Variants in TGFA observed in about 807,000 individuals in gnomAD.
TGFA encodes transforming growth factor alpha, also known as protransforming growth factor alpha.
Under a neutral mutation model 21.7 loss-of-function variants are expected in TGFA, and 12 were observed. The ratio of observed to expected loss-of-function variants is 0.55; its 90% confidence interval spans 0.35 to 0.90. The LOEUF is 0.90. TGFA is among the 40% of genes least tolerant of loss of function. The probability of loss-of-function intolerance (pLI) is 0.01; values close to 1 mark genes in which losing one functional copy is unlikely to be tolerated. For synonymous variants in TGFA, 79 were observed against 88.1 expected (o/e 0.90, Z 0.58); for missense variants, 178 against 210.8 (o/e 0.84, Z 0.96).
chr2:70,496,182 T>G (rs1390286104), intron 2 of TGFA, among the ~76,000 whole-genome samples: 1 of 152,166 alleles, frequency 6.6e-6, no homozygotes, highest in Non-Finnish European at 1.5e-5. Flanking sequence ...TATCTGAAGC[T>G]TGGACACTGC....
rs59567780 is a variant in TGFA at position 70,521,613 on chromosome 2, G to GTTTTTTTTTTTTTTT, written c.41-6702_41-6701insAAAAAAAAAAAAAAA. Among the ~76,000 whole-genome samples the GTTTTTTTTTTTTTTT allele has an allele frequency of 2.4e-3, 175 of 73,982 alleles. 7 individuals are homozygous for GTTTTTTTTTTTTTTT. Among genetic ancestry groups the GTTTTTTTTTTTTTTT allele is most frequent in the African/African-American group, 3.5e-3 (84 of 23,728 alleles). 48.5% of individuals were successfully genotyped at this position (73,982 alleles called of 152,430 possible). ...TTGATAGTTTTTTTTGTTGTTGTTT[G>GTTTTTTTTTTTTTTT]TTTGTTTTTTTTTTTTTTTTTTTTT... is the stretch of plus-strand genomic sequence containing the variant. On this transcript the variant is annotated intron_variant, in intron 1 of 5. Transcript: ENST00000295400.
At chr2:70,553,533 G>A in intron 1 of TGFA, 195 bp downstream of exon 1, 2 of 1,375,152 alleles carry the variant, frequency 1.5e-6, no homozygotes, top group Non-Finnish European at 9.3e-7. Context: ...GGAAGCCTCG[G>A]CGCTCGACCG....
rs1246678548 is a variant in TGFA, at chr2:70,449,760, C to T, written c.*1099G>A. ...CAAAATGGAAAATAAATGACTGGTC[C>T]CCCTTTCATGGATTTGGCCTGAAAT... is the stretch of plus-strand genomic sequence containing the variant. On this transcript the variant is annotated 3_prime_UTR_variant, in exon 6 of 6. Transcript: ENST00000295400. The T allele has an allele frequency of 5.2e-6, 1 of 192,456 alleles. No homozygotes were observed. The highest frequency in any genetic ancestry group is 1.4e-4 in the East Asian group (1 of 6,940). 11.9% of individuals were successfully genotyped at this position (192,456 alleles called of 1,614,324 possible). A position where few individuals can be genotyped will look rare whatever the true frequency, so the allele number is the denominator to read the frequency against.
intron 2 of TGFA, among the ~76,000 whole-genome samples, chr2:70,483,002 ATC>A (rs1671168625): frequency 6.6e-6 from 1 of 152,284 alleles, no homozygotes; most frequent in East Asian, 1.9e-4. Flanking sequence ...ATGTTTGGGG[ATC>A]TCTTCATTTA....
chr2:70,471,102 T>TCCCGCACCCCCCCCCCCATATAA (rs1670730519), intron 2 of TGFA, among the ~76,000 whole-genome samples: 1 of 144,760 alleles, frequency 6.9e-6, no homozygotes, highest in Non-Finnish European at 1.5e-5. Context: ...TGCATTCTCC[T>TCCCGCACCCCCCCCCCCATATAA]CCCCGCACCC....
chr2:70,476,088 A>AT (rs1670917738), intron 2 of TGFA, among the ~76,000 whole-genome samples: 1 of 148,828 alleles, frequency 6.7e-6, no homozygotes, highest in African/African-American at 2.5e-5. Flanking sequence ...AGCAAAAAAA[A>AT]AAAAAAAAAA....
chr2:70,515,830 G>A (rs740386), intron 1 of TGFA, among the ~76,000 whole-genome samples: 10,460 of 152,140 alleles, frequency 0.069, 1,210 homozygotes, highest in African/African-American at 0.24. Context: ...AGGACCACGG[G>A]AACAAAGCCT....
intron 1 of TGFA, 199 bp downstream of exon 1, chr2:70,553,529 C>A: frequency 7.3e-7 from 1 of 1,376,860 alleles, no homozygotes; most frequent in South Asian, 1.8e-5. Flanking sequence ...CCGGGGAAGC[C>A]TCGGCGCTCG....
At chr2:70,461,645 A>G (rs904997649) in intron 3 of TGFA, 1 of 152,202 alleles carries the variant, frequency 6.6e-6, no homozygotes, top group Non-Finnish European at 1.5e-5. Flanking sequence ...GTCTTCCTTC[A>G]ACGGTTTTCC....
intron 2 of TGFA, among the ~76,000 whole-genome samples, chr2:70,486,643 T>G (rs1221898251): frequency 6.6e-6 from 1 of 151,950 alleles, no homozygotes; most frequent in African/African-American, 2.4e-5. Flanking sequence ...TGTGTTTTTT[T>G]GTAGAGATGA....
intron 1 of TGFA, among the ~76,000 whole-genome samples, chr2:70,529,588 T>TCCCCG (rs1672750154): frequency 6.8e-6 from 1 of 146,542 alleles, no homozygotes; most frequent in South Asian, 2.3e-4. Context: ...GAGGAGTGAA[T>TCCCCG]CCCCCCGCCC....
At chr2:70,517,674 C>T (rs568569030) in intron 1 of TGFA, among the ~76,000 whole-genome samples, 1 of 152,314 alleles carries the variant, frequency 6.6e-6, no homozygotes, top group South Asian at 2.1e-4. Context: ...TCTCCAACTC[C>T]CATGCACAAG....
chr2:70,459,586 A>G (rs1670347741), intron 3 of TGFA, among the ~76,000 whole-genome samples: 1 of 152,192 alleles, frequency 6.6e-6, no homozygotes, highest in East Asian at 1.9e-4. Flanking sequence ...CAGTGTGGCA[A>G]GGGGCAAAGG....
At chr2:70,527,046 T>C (rs1672658861) in intron 1 of TGFA, among the ~76,000 whole-genome samples, 1 of 152,242 alleles carries the variant, frequency 6.6e-6, no homozygotes, top group Admixed American at 6.5e-5. Flanking sequence ...AGTTTTTCAG[T>C]TTCTTACAAA....
intron 2 of TGFA, among the ~76,000 whole-genome samples, chr2:70,468,712 T>C (rs1366029761): frequency 3.3e-5 from 5 of 152,188 alleles, no homozygotes; most frequent in Non-Finnish European, 5.9e-5. Flanking sequence ...GCTGTGTACT[T>C]CTTATGAGAA....
chr2:70,550,473 A>C (rs1673457147), intron 1 of TGFA, among the ~76,000 whole-genome samples: 1 of 151,828 alleles, frequency 6.6e-6, no homozygotes, highest in South Asian at 2.1e-4. Context: ...TAATTAAATA[A>C]TTAAAATTAA....
intron 2 of TGFA, among the ~76,000 whole-genome samples, chr2:70,472,098 G>C (rs1670769317): frequency 6.6e-6 from 1 of 151,972 alleles, no homozygotes; most frequent in African/African-American, 2.4e-5. Context: ...GTGAGGGAAG[G>C]AAAGGCCTAG....
chr2:70,520,763 C>T (rs2103872460), intron 1 of TGFA, among the ~76,000 whole-genome samples: 1 of 152,202 alleles, frequency 6.6e-6, no homozygotes, highest in African/African-American at 2.4e-5. Context: ...ACCCTATATT[C>T]CCATAGATGC....
chr2:70,542,171 G>A lies in TGFA; in HGVS notation c.40+11557C>T, dbSNP rs192772734. 3.1e-3 allele frequency among the ~76,000 whole-genome samples: 471 copies of A among 152,242 alleles called. 6 individuals carry two copies. The highest frequency in any genetic ancestry group is 2.2e-3 in the Non-Finnish European group (149 of 68,024). On this transcript the variant is annotated intron_variant, in intron 1 of 5. Transcript: ENST00000295400. ...CAAAAAATATATATCATAAATTTGA[G>A]TTTTCCTTGTTAGTTGCTAAGAACT...
Sources: gnomAD v4.1 joint callset for allele counts (sites outside exome capture counted in the v4.1 genomes callset) on GRCh38, gnomAD v4.1.1 for gene constraint, MANE v1.5 for transcripts, NCBI Gene and HGNC (gene_info 2026-07-23, HGNC 2026-07-21) for gene names.